The following RNF139 variants were observed in gnomAD, a reference collection of about 807,000 sequenced individuals.
RNF139 encodes the protein ring finger protein 139.
In RNF139, 15 loss-of-function variants were observed where a neutral mutation model predicts 49.5. The ratio of observed to expected loss-of-function variants is 0.30; its 90% CI spans 0.20 to 0.47. RNF139 has a LOEUF of 0.47. Ranked by LOEUF, RNF139 falls within the 20% of genes least tolerant of loss-of-function variation. The pLI, the probability that RNF139 is intolerant of heterozygous loss-of-function variation, is 1.00. For missense variants in RNF139, 619 were observed against 806.3 expected (o/e 0.77, Z 2.81); for synonymous variants, 325 against 300.9 (o/e 1.08, Z -0.83).
In RNF139 at chr8:124,474,898, C is replaced by CGCA. The variant is rs1816279818; in HGVS notation, c.-210_-209insAGC. 3.2e-6 allele frequency: 1 copy of CGCA among 316,958 alleles called. No homozygotes were observed. Among genetic ancestry groups the CGCA allele is most frequent in the Non-Finnish European group, 5.7e-6 (1 of 176,384 alleles). The allele number at this position is 316,958 out of a possible 1,614,324, so 19.6% of individuals were successfully genotyped here. A position where few individuals can be genotyped will look rare whatever the true frequency, so the allele number is the denominator to read the frequency against. ...GAAACCCAGAGACCTCCTGGGGAGC[C>CGCA]GCCGCCGCCGCCCTCTCGGCCATCG... On this transcript the variant is annotated 5_prime_UTR_variant, in exon 1 of 2. Coordinates refer to ENST00000303545, the MANE Select transcript of RNF139 (RefSeq NM_007218.4). The surrounding 1 kb of genome is among the most constrained non-coding windows in gnomAD (Gnocchi z 4.6).
intron 1 of RNF139, among the ~76,000 whole-genome samples, chr8:124,484,799 G>A (rs1462874682): frequency 6.6e-6 from 1 of 152,108 alleles, no homozygotes; most frequent in African/African-American, 2.4e-5. Flanking sequence ...GGTTTTCTGA[G>A]TGTTACTTTT....
chr8:124,486,807 T>C lies in RNF139; in HGVS notation c.1158T>C (p.Phe386=), dbSNP rs1279858128. Reference sequence around the variant, plus strand: ...TCAGTGCCTCTCATGTGTCATCTTTTCGTAGACATTTTCCTGTGCTGTTTG... The same window carrying C: ...TCAGTGCCTCTCATGTGTCATCTTTCCGTAGACATTTTCCTGTGCTGTTTG... ...MSLSASHVSS[F]RRHFPVLFVS... Residue 386 remains phenylalanine (F), a synonymous_variant, in exon 2 of 2, where the codon TTT becomes TTC. Coordinates refer to ENST00000303545, the MANE Select transcript of RNF139 (RefSeq NM_007218.4). 1 of 1,613,848 alleles carries C rather than the reference T, an allele frequency of 6.2e-7. No homozygotes were observed. The highest frequency in any genetic ancestry group is 1.3e-5 in the African/African-American group (1 of 74,900).
Position 124,483,103 on chromosome 8 carries a change from ATATATTAAAAATATATATAT to A in RNF139, c.182-2726_182-2707del, listed in dbSNP as rs1563631425. On this transcript the variant is annotated intron_variant, in intron 1 of 1. Transcript: ENST00000303545. ...TAAATATATATATATTTAAAAATAT[ATATATTAAAAATATATATAT>A]TTAAAAGAGCCTGTTCTGAGCTCAC... 3.3e-4 allele frequency among the ~76,000 whole-genome samples: 2 copies of A among 6,072 alleles called. 1 individual carries two copies. Among genetic ancestry groups the A allele is most frequent in the African/African-American group, 3.5e-3 (2 of 570 alleles). The allele number at this position is 6,072 out of a possible 152,430, so 4.0% of individuals were successfully genotyped here. A position where few individuals can be genotyped will look rare whatever the true frequency, so the allele number is the denominator to read the frequency against.
intron 1 of RNF139, among the ~76,000 whole-genome samples, chr8:124,483,111 A>T (rs567278209): frequency 0.012 from 1 of 86 alleles, no homozygotes. Context: ...ATATATATTA[A>T]AAATATATAT....
chr8:124,487,678 G>GTTAA lies in RNF139; in HGVS notation c.*36_*37insAATT. 1 of 1,550,032 alleles carries GTTAA rather than the reference G, an allele frequency of 6.5e-7. No homozygotes were observed. The highest frequency in any genetic ancestry group is 8.7e-7 in the Non-Finnish European group (1 of 1,151,066). ...GCATTTATTAATGATTGAGGTATTT[G>GTTAA]TTTAAAATTCAGTTCATCCAAAATG... On this transcript the variant is annotated 3_prime_UTR_variant, in exon 2 of 2. Transcript: ENST00000303545.
chr8:124,478,409 G>C (rs945161438), intron 1 of RNF139, among the ~76,000 whole-genome samples: 1 of 151,972 alleles, frequency 6.6e-6, no homozygotes, highest in African/African-American at 2.4e-5. Context: ...TTGAGGCCAG[G>C]AGTTTGACAC....
chr8:124,477,870 T>C (rs1816338852), intron 1 of RNF139, among the ~76,000 whole-genome samples: 1 of 152,090 alleles, frequency 6.6e-6, no homozygotes, highest in Non-Finnish European at 1.5e-5. Flanking sequence ...GCTTTAAACA[T>C]AACAGAAGAC....
At chr8:124,480,730 G>A (rs991851460) in intron 1 of RNF139, among the ~76,000 whole-genome samples, 1 of 152,070 alleles carries the variant, frequency 6.6e-6, no homozygotes, top group Non-Finnish European at 1.5e-5. Flanking sequence ...GCGGCTGGGG[G>A]TAGGAATCAA....
At chr8:124,482,957 T>TTTA (rs1554601154) in intron 1 of RNF139, among the ~76,000 whole-genome samples, 1 of 90,380 alleles carries the variant, frequency 1.1e-5, no homozygotes, top group African/African-American at 4.1e-5. Flanking sequence ...TATATATATA[T>TTTA]AATATATATA....
intron 1 of RNF139, among the ~76,000 whole-genome samples, chr8:124,483,128 A>ATATATATATTTTT (rs1586524826): frequency 1.6e-4 from 17 of 103,544 alleles, no homozygotes; most frequent in African/African-American, 2.2e-4. Context: ...ATATATTTAA[A>ATATATATATTTTT]AGAGCCTGTT....
At position 124,486,628 on chromosome 8, in the gene RNF139, G is replaced by A; in HGVS notation, c.979G>A (p.Ala327Thr). 6.2e-7 allele frequency: 1 copy of A among 1,614,134 alleles called. No individual in the cohort carries two copies. The highest frequency in any genetic ancestry group is 8.5e-7 in the Non-Finnish European group (1 of 1,180,006). Reference sequence around the variant, plus strand: ...AGATGACAGGCGTCTTGGCTTTGTTGCACCTGTTTTATTTTTTATTTTGGC... The same window carrying A: ...AGATGACAGGCGTCTTGGCTTTGTTACACCTGTTTTATTTTTTATTTTGGC... ...EEDDRRLGFV[A>T]PVLFFILALQ... The change falls in exon 2 of 2, where the codon GCA becomes ACA. Residue 327 changes from alanine to threonine, a missense_variant. By Grantham distance (58) the Ala-to-Thr change is moderately conservative (BLOSUM62 0). Transcript: ENST00000303545.
At chr8:124,485,201 TAAAAATACA>T (rs1430670360) in intron 1 of RNF139, among the ~76,000 whole-genome samples, 1 of 152,100 alleles carries the variant, frequency 6.6e-6, no homozygotes, top group East Asian at 1.9e-4. Flanking sequence ...CCGTCTCTAC[TAAAAATACA>T]AAAATTAGCT....
intron 1 of RNF139, among the ~76,000 whole-genome samples, chr8:124,485,350 T>C (rs1009568145): frequency 3.9e-5 from 6 of 152,186 alleles, no homozygotes; most frequent in Admixed American, 3.9e-4. Flanking sequence ...GGCAACAGAG[T>C]GAGACTCTTG....
rs749333028 is a variant in RNF139 at position 124,486,490 on chromosome 8, A to G, written c.841A>G (p.Ile281Val). ...TTTTTGGGACCTCATTTGCAATCTT[A>G]TAATTAGTGGGTGCGATTCTACACT... ...DDFWDLICNL[I>V]ISGCDSTLTV... Residue 281 changes from isoleucine (I) to valine (V), a missense_variant, in exon 2 of 2, where the codon ATA becomes GTA. Transcript: ENST00000303545. 17 of 1,614,036 alleles carry G rather than the reference A, an allele frequency of 1.1e-5. No homozygotes were observed. In the Admixed American group the frequency reaches 2.2e-4, roughly 21 times the overall value.
intron 1 of RNF139, among the ~76,000 whole-genome samples, chr8:124,478,723 CTT>C (rs199911545): frequency 2.1e-5 from 3 of 141,768 alleles, no homozygotes; most frequent in Admixed American, 7.1e-5. Flanking sequence ...TTTTGGAAGA[CTT>C]TTTTTTTTTT....
Position 124,480,153 on chromosome 8 carries a change from AG to A in RNF139, c.181+4864del, listed in dbSNP as rs1162126571. Among the ~76,000 whole-genome samples, 4 of 151,616 alleles carry A rather than the reference AG, an allele frequency of 2.6e-5. No homozygotes were observed. In the East Asian group the frequency reaches 8.0e-4, roughly 30 times the overall value. On this transcript the variant is annotated intron_variant, in intron 1 of 1. Transcript: ENST00000303545. Reference sequence around the variant, plus strand: ...ACCCTGTCTCTTAAAAAAAAAAAATAGTCATTTCTAAGTGTATTCTTACCTA... The same window carrying A: ...ACCCTGTCTCTTAAAAAAAAAAAATATCATTTCTAAGTGTATTCTTACCTA...
At position 124,486,442 on chromosome 8, in the gene RNF139, T is replaced by A. The variant is rs1421706750; in HGVS notation, c.793T>A (p.Ser265Thr). The A allele has an allele frequency of 2.5e-6, 4 of 1,614,154 alleles. No homozygotes were observed. Among genetic ancestry groups the A allele is most frequent in the Non-Finnish European group, 3.4e-6 (4 of 1,180,016 alleles). The change falls in exon 2 of 2, where the codon TCC becomes ACC. Residue 265 changes from serine (S) to threonine (T), a missense_variant. By Grantham distance (58) the Ser-to-Thr change is moderately conservative. Transcript: ENST00000303545. ...YILRMANETD[S>T]FFISWDDFWD... The stretch of plus-strand genomic sequence containing the variant: ...CTTAAGGATGGCAAATGAAACTGAT[T>A]CCTTCTTTATTTCTTGGGATGATTT...
rs1816592809 is a variant in RNF139 at position 124,488,408 on chromosome 8, T to C, written c.*764T>C. The C allele has an allele frequency of 4.7e-6, 2 of 424,276 alleles. No individual in the cohort carries two copies. Among genetic ancestry groups the C allele is most frequent in the South Asian group, 6.2e-5 (1 of 16,206 alleles). The allele number at this position is 424,276 out of a possible 1,614,324, so 26.3% of individuals were successfully genotyped here. The stretch of plus-strand genomic sequence containing the variant: ...TTTTTTAAATTGTTTTAAACTAAGA[T>C]ACTCAATGATATAAAAACATCCTGA... On this transcript the variant is annotated 3_prime_UTR_variant, in exon 2 of 2. Transcript: ENST00000303545.
chr8:124,477,482 A>G (rs952008290), intron 1 of RNF139, among the ~76,000 whole-genome samples: 2 of 152,170 alleles, frequency 1.3e-5, no homozygotes, highest in African/African-American at 4.8e-5. Flanking sequence ...TTTCTTTAAA[A>G]TTAATGTGTA....
Sources: gnomAD v4.1 joint callset for allele counts (sites outside exome capture counted in the v4.1 genomes callset) on GRCh38, gnomAD v4.1.1 for gene constraint, Gnocchi (gnomAD v3.1) non-coding constraint, MANE v1.5 for transcripts, NCBI Gene and HGNC (gene_info 2026-07-23, HGNC 2026-07-21) for gene names.